The following BOD1L1 variants were observed in gnomAD, a reference collection of about 807,000 sequenced individuals.
BOD1L1 encodes biorientation of chromosomes in cell division 1 like 1.
BOD1L1 carries 86 observed loss-of-function variants against 240.7 expected under a neutral mutation model. The ratio of observed to expected loss-of-function variants is 0.36; its 90% CI spans 0.30 to 0.43. The LOEUF is 0.43. BOD1L1 is among the 20% of genes least tolerant of loss of function. The pLI, the probability that BOD1L1 is intolerant of heterozygous loss-of-function variation, is 1.00. For synonymous variants in BOD1L1, 1,268 were observed against 1,272.3 expected (o/e 1.00, Z 0.07); for missense variants, 3,554 against 3,643.5 (o/e 0.98, Z 0.63).
In BOD1L1 at chr4:13,602,601, G is replaced by T. The variant is rs759670708; in HGVS notation, c.4299C>A (p.Gly1433=). ...GATCAACAGCAATGCCATCCTTCTT[G>T]CCATTCTCTACTGTTGCTTTAATTG... ...KQTIKATVEN[G]KKDGIAVDHV... The change falls in exon 10 of 26, where the codon GGC becomes GGA. Residue 1433 remains glycine (G), a synonymous_variant. Transcript: ENST00000040738. 3 of 1,613,958 alleles carry T rather than the reference G, an allele frequency of 1.9e-6. No homozygotes were observed. The highest frequency in any genetic ancestry group is 2.5e-6 in the Non-Finnish European group (3 of 1,179,888).
At position 13,599,637 on chromosome 4, in the gene BOD1L1, G is replaced by A; in HGVS notation, c.7263C>T (p.Gly2421=). ...PSVHKPSAGQ[G]HPSAVCAEKE... ...TTTCCGCACAAACAGCACTTGGATG[G>A]CCTTGCCCTGCAGAGGGCTTGTGGA... Residue 2421 remains glycine (G), a synonymous_variant, in exon 10 of 26, where the codon GGC becomes GGT. Transcript: ENST00000040738. 1.2e-6 allele frequency: 2 copies of A among 1,613,984 alleles called. No individual in the cohort carries two copies. The highest frequency in any genetic ancestry group is 1.7e-6 in the Non-Finnish European group (2 of 1,179,900).
At chr4:13,585,392 G>A (rs1713588603) in intron 17 of BOD1L1, among the ~76,000 whole-genome samples, 1 of 152,006 alleles carries the variant, frequency 6.6e-6, no homozygotes, top group South Asian at 2.1e-4. Context: ...GAGAAAGAGA[G>A]AGGAAAAGAT....
intron 5 of BOD1L1, among the ~76,000 whole-genome samples, chr4:13,612,889 C>G (rs1481920290): frequency 6.6e-6 from 1 of 152,160 alleles, no homozygotes; most frequent in Non-Finnish European, 1.5e-5. Flanking sequence ...AACTTTGGAT[C>G]CCAAGGCTCT....
In BOD1L1 at chr4:13,604,771, G is replaced by C; in HGVS notation, c.2129C>G (p.Thr710Arg). 1.2e-6 allele frequency: 2 copies of C among 1,613,390 alleles called. No individual in the cohort carries two copies. Among genetic ancestry groups the C allele is most frequent in the Admixed American group, 1.7e-5 (1 of 59,990 alleles). ...CTTAAGTAGGCTTTTCAAATGTGGT[G>C]TTTCAGAATCATCTTTCTTTAGATG... is the stretch of plus-strand genomic sequence containing the variant. The part of the protein sequence containing the change: ...EKHLKKDDSE[T>R]PHLKSLLKKE... Residue 710 changes from threonine to arginine, a missense_variant, in exon 10 of 26, where the codon ACA becomes AGA. By Grantham distance (71) the Thr-to-Arg change is moderately conservative. Transcript: ENST00000040738.
intron 10 of BOD1L1, among the ~76,000 whole-genome samples, chr4:13,597,928 T>C (rs1206337998): frequency 6.6e-6 from 1 of 152,182 alleles, no homozygotes; most frequent in Non-Finnish European, 1.5e-5. Flanking sequence ...TGAGACTGGG[T>C]TAGATGATGG....
Position 13,614,301 on chromosome 4 carries a change from T to C in BOD1L1, c.1069A>G (p.Lys357Glu). ...DHSKKSEDTQKVKDEKQAKEK... is the reference protein window; with the variant it reads ...DHSKKSEDTQEVKDEKQAKEK... ...TTTGCTTGTTTTTCATCTTTAACTT[T>C]CTGTGTATCTTCACTCTTTTTTGAG... The change falls in exon 4 of 26, where the codon AAA becomes GAA. Residue 357 changes from lysine (K) to glutamate (E), a missense_variant. Physicochemically the swap from Lys to Glu is moderately conservative, Grantham distance 56. Coordinates refer to ENST00000040738, the MANE Select transcript of BOD1L1 (RefSeq NM_148894.3). 6 of 1,549,388 alleles carry C rather than the reference T, an allele frequency of 3.9e-6. No homozygotes were observed. The highest frequency in any genetic ancestry group is 5.2e-6 in the Non-Finnish European group (6 of 1,146,520).
At chr4:13,574,913 GTTTTT>G (rs893147036) in intron 25 of BOD1L1, among the ~76,000 whole-genome samples, 4 of 38,204 alleles carry the variant, frequency 1.0e-4, no homozygotes, top group Non-Finnish European at 3.5e-4. Context: ...TTAAGTTTTT[GTTTTT>G]TTTTGTTTTT....
rs765668663 is a variant in BOD1L1, at chr4:13,603,588, T to C, written c.3312A>G (p.Arg1104=). 5 of 1,614,012 alleles carry C rather than the reference T, an allele frequency of 3.1e-6. No individual in the cohort carries two copies. Among genetic ancestry groups the C allele is most frequent in the Non-Finnish European group, 3.4e-6 (4 of 1,179,894 alleles). ...ATGTCATATCACCACTCTTTTTTGGTCTCTGAAGGGAGGAACCGCTGGGAG... is the reference window on the plus strand; with the variant it reads ...ATGTCATATCACCACTCTTTTTTGGCCTCTGAAGGGAGGAACCGCTGGGAG... The part of the protein sequence containing the change: ...LSTPSGSSLQ[R]PKKSGDMTLI... The change falls in exon 10 of 26, where the codon AGA becomes AGG. Residue 1104 remains arginine, a synonymous_variant. Coordinates refer to ENST00000040738, the MANE Select transcript of BOD1L1 (RefSeq NM_148894.3).
chr4:13,579,419 ATTTGC>A (rs776280172), intron 22 of BOD1L1, among the ~76,000 whole-genome samples: 36 of 152,282 alleles, frequency 2.4e-4, no homozygotes, highest in Non-Finnish European at 4.0e-4. Context: ...TATATTACCT[ATTTGC>A]TTTATTTGCT....
chr4:13,585,764 G>A (rs928409446), intron 17 of BOD1L1, among the ~76,000 whole-genome samples: 3 of 152,134 alleles, frequency 2.0e-5, no homozygotes, highest in African/African-American at 7.2e-5. Flanking sequence ...TTTGTCCTGT[G>A]CTGTTCTCCT....
chr4:13,587,839 A>G, intron 15 of BOD1L1, 68 bp from the exon 16 acceptor site: 1 of 1,047,254 alleles, frequency 9.5e-7, no homozygotes, highest in Non-Finnish European at 1.4e-6. Flanking sequence ...AGAGGAGCAC[A>G]CTGTACTAGA....
rs912919529 is a variant in BOD1L1 at position 13,583,685 on chromosome 4, A to G, written c.8434-949T>C. Among the ~76,000 whole-genome samples the G allele has an allele frequency of 3.3e-5, 5 of 152,230 alleles. No homozygotes were observed. The East Asian group carries it at 9.6e-4, about 29-fold the overall frequency. On this transcript the variant is annotated intron_variant, in intron 17 of 25. Transcript: ENST00000040738. ...AGAGCTTCTGCTACTTCCTAGTAAAAGAAGTGTCAGCTCAGCCATTTCTCT... is the reference window on the plus strand; with the variant it reads ...AGAGCTTCTGCTACTTCCTAGTAAAGGAAGTGTCAGCTCAGCCATTTCTCT...
In BOD1L1 at chr4:13,570,069, G is replaced by A; in HGVS notation, c.9098C>T (p.Ala3033Val). Residue 3033 changes from alanine (A) to valine (V), a missense_variant, in exon 26 of 26, where the codon GCC (alanine) becomes GTC (valine). Transcript: ENST00000040738. ...CACCCTTTGCTGGCCTCTTGTTCGG[G>A]CCCCAGGAGGGCTGACTTCTCTCTT... is the stretch of plus-strand genomic sequence containing the variant. ...KRKREVSPPG[A>V]RTRGQQRVEE... 6.2e-7 allele frequency: 1 copy of A among 1,605,886 alleles called. No individual in the cohort carries two copies.
At chr4:13,591,047 A>C (rs1714166423) in intron 13 of BOD1L1, among the ~76,000 whole-genome samples, 2 of 151,982 alleles carry the variant, frequency 1.3e-5, no homozygotes, top group Admixed American at 1.3e-4. Flanking sequence ...AGTCTTTTTA[A>C]ATTTTAAAGT....
intron 25 of BOD1L1, among the ~76,000 whole-genome samples, chr4:13,575,994 C>T (rs1317998837): frequency 1.3e-5 from 2 of 150,488 alleles, no homozygotes; most frequent in East Asian, 2.0e-4. Flanking sequence ...CCTCCGCCTC[C>T]CACGGTTAAG....
At chr4:13,617,767 C>T (rs1468297672) in intron 2 of BOD1L1, among the ~76,000 whole-genome samples, 1 of 152,122 alleles carries the variant, frequency 6.6e-6, no homozygotes, top group Non-Finnish European at 1.5e-5. Context: ...GTGCAGATAG[C>T]TCAACCTAAT....
chr4:13,590,348 T>A (rs759388754), intron 14 of BOD1L1, 38 bp downstream of exon 14: 1 of 1,130,262 alleles, frequency 8.8e-7, no homozygotes, highest in East Asian at 2.6e-5. Flanking sequence ...ATGTTAACTA[T>A]AATATTAAAA....
chr4:13,578,293 T>G (rs1712935474), intron 22 of BOD1L1: 1 of 152,220 alleles, frequency 6.6e-6, no homozygotes, highest in Admixed American at 6.5e-5. Context: ...GCCCACAATA[T>G]GTACCAGTAA....
At chr4:13,585,562 A>G (rs1456763061) in intron 17 of BOD1L1, among the ~76,000 whole-genome samples, 2 of 152,174 alleles carry the variant, frequency 1.3e-5, no homozygotes, top group Non-Finnish European at 2.9e-5. Flanking sequence ...TCTGTGAGTC[A>G]TAAGATGAAA....
Sources: allele counts gnomAD v4.1 joint callset (sites outside exome capture counted in the v4.1 genomes callset), GRCh38; gene constraint gnomAD v4.1.1; transcripts MANE v1.5; gene names NCBI Gene and HGNC (gene_info 2026-07-23, HGNC 2026-07-21).